Variants in ZNF385B observed in about 807,000 individuals in gnomAD.
ZNF385B encodes the protein zinc finger protein 533.
A neutral mutation model predicts 39.2 loss-of-function variants in ZNF385B; 23 were observed. That is an observed-to-expected ratio of 0.59 (90% confidence interval 0.42 to 0.83). ZNF385B has a LOEUF of 0.83. Among genes scored for constraint, ZNF385B ranks in the 40% least tolerant of loss-of-function variants. The pLI, the probability that ZNF385B is intolerant of heterozygous loss-of-function variation, is 0.00. For synonymous variants in ZNF385B, 205 were observed against 222.6 expected (o/e 0.92, Z 0.70); for missense variants, 552 against 598.9 (o/e 0.92, Z 0.82).
chr2:179,564,191 C>T (rs1305600724), intron 3 of ZNF385B, among the ~76,000 whole-genome samples: 1 of 152,082 alleles, frequency 6.6e-6, no homozygotes, highest in Admixed American at 6.6e-5. Flanking sequence ...TAGCCAGCCC[C>T]CTACATGACC....
At chr2:179,462,565 T>C (rs2051457305) in intron 6 of ZNF385B, among the ~76,000 whole-genome samples, 1 of 151,994 alleles carries the variant, frequency 6.6e-6, no homozygotes, top group Admixed American at 6.6e-5. Flanking sequence ...TAGAATTCCA[T>C]TAAGATAGTT....
At chr2:179,850,847 C>T (rs1684081440) in intron 1 of ZNF385B, among the ~76,000 whole-genome samples, 1 of 152,152 alleles carries the variant, frequency 6.6e-6, no homozygotes, top group African/African-American at 2.4e-5. Context: ...TCCAATTAAA[C>T]ACAGGCCCTG....
At chr2:179,676,593 G>T (rs1696857361) in intron 3 of ZNF385B, among the ~76,000 whole-genome samples, 1 of 151,588 alleles carries the variant, frequency 6.6e-6, no homozygotes, top group Admixed American at 6.5e-5. Context: ...GAATGACCTG[G>T]AGAGCAGCGG....
intron 1 of ZNF385B, among the ~76,000 whole-genome samples, chr2:179,786,018 C>G (rs1167876231): frequency 6.6e-6 from 1 of 152,086 alleles, no homozygotes; most frequent in Non-Finnish European, 1.5e-5. Flanking sequence ...TTGCCACTGC[C>G]ACCCCAACCT....
chr2:179,708,602 C>T (rs62175190), intron 3 of ZNF385B, among the ~76,000 whole-genome samples: 23,427 of 152,174 alleles, frequency 0.15, 1,873 homozygotes, highest in South Asian at 0.23. Context: ...ACATGGCTCT[C>T]ATCTTGGAAT....
intron 4 of ZNF385B, among the ~76,000 whole-genome samples, chr2:179,538,384 T>C (rs894933162): frequency 2.0e-4 from 31 of 152,216 alleles, no homozygotes; most frequent in African/African-American, 7.2e-4. Flanking sequence ...TAGCTTTAGG[T>C]TTCCTTACAA....
In ZNF385B at chr2:179,555,370, G is replaced by A. The variant is rs564204051; in HGVS notation, c.299-10401C>T. Among the ~76,000 whole-genome samples the A allele has an allele frequency of 4.3e-4, 64 of 149,494 alleles. 7 individuals are homozygous for A. The highest frequency in any genetic ancestry group is 1.6e-3 in the African/African-American group (63 of 39,702). Reference sequence around the variant, plus strand: ...AGAGGACTAAAACAGGGCATTCAGAGTGTCTTCTAGGATGCCAGAAATGTT... The same window carrying A: ...AGAGGACTAAAACAGGGCATTCAGAATGTCTTCTAGGATGCCAGAAATGTT... On this transcript the variant is annotated intron_variant, in intron 3 of 9. Transcript: ENST00000410066.
intron 3 of ZNF385B, among the ~76,000 whole-genome samples, chr2:179,654,994 T>C (rs1023112326): frequency 1.3e-5 from 2 of 152,246 alleles, no homozygotes; most frequent in South Asian, 4.2e-4. Flanking sequence ...CAAATGAGGC[T>C]CTTTGATTTC....
At chr2:179,644,163 G>T (rs1692511824) in intron 3 of ZNF385B, among the ~76,000 whole-genome samples, 1 of 152,018 alleles carries the variant, frequency 6.6e-6, no homozygotes, top group African/African-American at 2.4e-5. Flanking sequence ...TACTATATAG[G>T]AAAGCAGACA....
At chr2:179,646,131 C>G (rs996284081) in intron 3 of ZNF385B, among the ~76,000 whole-genome samples, 1 of 152,118 alleles carries the variant, frequency 6.6e-6, no homozygotes, top group South Asian at 2.1e-4. Context: ...AAACCTAAAC[C>G]TGGCTGAGTG....
intron 3 of ZNF385B, among the ~76,000 whole-genome samples, chr2:179,765,937 A>T (rs1703663599): frequency 6.6e-6 from 1 of 151,914 alleles, no homozygotes; most frequent in East Asian, 1.9e-4. Context: ...CACCGCCCAG[A>T]GTATTCATAA....
chr2:179,759,538 CA>C (rs1264873131), intron 3 of ZNF385B, among the ~76,000 whole-genome samples: 3 of 152,214 alleles, frequency 2.0e-5, no homozygotes, highest in South Asian at 4.2e-4. Context: ...TACTTCACTC[CA>C]ATAATAAGAA....
At chr2:179,566,914 CTTT>C (rs372093398) in intron 3 of ZNF385B, among the ~76,000 whole-genome samples, 4 of 131,598 alleles carry the variant, frequency 3.0e-5, no homozygotes, top group Admixed American at 7.6e-5. Context: ...CTTTTCTTTT[CTTT>C]TTTTTTTTTT....
At chr2:179,516,226 G>A (rs373878128) in intron 5 of ZNF385B, among the ~76,000 whole-genome samples, 10 of 152,104 alleles carry the variant, frequency 6.6e-5, no homozygotes, top group Non-Finnish European at 2.9e-5. Context: ...GGGCAATTAT[G>A]AATAAAATTA....
intron 1 of ZNF385B, among the ~76,000 whole-genome samples, chr2:179,798,305 A>G (rs542426475): frequency 4.1e-4 from 63 of 151,914 alleles, no homozygotes; most frequent in African/African-American, 1.4e-3. Context: ...TTCTCCAAGG[A>G]CACCCCATTC....
intron 3 of ZNF385B, among the ~76,000 whole-genome samples, chr2:179,585,021 C>T (rs1486348362): frequency 6.6e-6 from 1 of 152,000 alleles, no homozygotes; most frequent in Non-Finnish European, 1.5e-5. Context: ...GACACACATC[C>T]ACTGGATTTG....
At chr2:179,856,028 T>A (rs1003015218) in intron 1 of ZNF385B, among the ~76,000 whole-genome samples, 3 of 152,090 alleles carry the variant, frequency 2.0e-5, no homozygotes, top group Non-Finnish European at 2.9e-5. Flanking sequence ...TAGTTCTCCA[T>A]CCAGGCTGGA....
chr2:179,709,262 T>G (rs1264519954), intron 3 of ZNF385B, among the ~76,000 whole-genome samples: 1 of 152,224 alleles, frequency 6.6e-6, no homozygotes, highest in Non-Finnish European at 1.5e-5. Context: ...TGAGTCTTTT[T>G]CCAGCTTACA....
intron 3 of ZNF385B, among the ~76,000 whole-genome samples, chr2:179,699,685 G>A (rs1699032789): frequency 6.6e-6 from 1 of 152,152 alleles, no homozygotes; most frequent in African/African-American, 2.4e-5. Flanking sequence ...ATCCACTTGA[G>A]CAGGGAGGTT....
Sources: allele counts gnomAD v4.1 joint callset (sites outside exome capture counted in the v4.1 genomes callset), GRCh38; gene constraint gnomAD v4.1.1; transcripts MANE v1.5; gene names NCBI Gene and HGNC (gene_info 2026-07-23, HGNC 2026-07-21).